UBN2: variants seen among roughly 807,000 people sequenced by gnomAD.
UBN2 encodes ubinuclein 2.
A neutral mutation model predicts 120.2 loss-of-function variants in UBN2; 35 were observed. That is an observed-to-expected ratio of 0.29 (90% CI 0.22 to 0.39). UBN2 has a LOEUF of 0.39. Ranked by LOEUF, UBN2 falls within the 10% of genes least tolerant of loss-of-function variation. The pLI is 1.00. For synonymous variants in UBN2, 661 were observed against 648.7 expected (o/e 1.02, Z -0.29); for missense variants, 1,693 against 1,663.2 (o/e 1.02, Z -0.31).
At chr7:139,252,873 C>G (rs1796658046) in intron 3 of UBN2, among the ~76,000 whole-genome samples, 1 of 152,146 alleles carries the variant, frequency 6.6e-6, no homozygotes, top group Admixed American at 6.5e-5. Context: ...TATTAGTACA[C>G]TTGTCTTAAC....
intron 2 of UBN2, among the ~76,000 whole-genome samples, chr7:139,238,499 C>T (rs1358587496): frequency 1.3e-5 from 2 of 152,182 alleles, no homozygotes; most frequent in Non-Finnish European, 2.9e-5. Context: ...TCTTGGCTCA[C>T]TGTAACCTCC....
In UBN2 at chr7:139,267,536, C is replaced by CAA. The variant is rs1189492166; in HGVS notation, c.1466+1145_1466+1146dup. On this transcript the variant is annotated intron_variant, in intron 7 of 17. Coordinates refer to ENST00000473989, the MANE Select transcript of UBN2 (RefSeq NM_173569.4). ...GGGTGATAGGGTGAGACTCTGTCTC[C>CAA]AAAAAAAAAAAAAGAGAGAAAGAGA... Among the ~76,000 whole-genome samples the CAA allele has an allele frequency of 1.4e-3, 109 of 80,026 alleles. 1 individual carries two copies. Among genetic ancestry groups the CAA allele is most frequent in the African/African-American group, 4.6e-3 (100 of 21,822 alleles). The allele number at this position is 80,026 out of a possible 152,430, so 52.5% of individuals were successfully genotyped here. A position where few individuals can be genotyped will look rare whatever the true frequency, so the allele number is the denominator to read the frequency against.
chr7:139,319,928 T>G, the UBN2 span, among the ~76,000 whole-genome samples: 1 of 149,796 alleles, frequency 6.7e-6, no homozygotes, highest in Admixed American at 6.6e-5. Flanking sequence ...TACAAAAAAT[T>G]AGCTGAGTGT....
intron 2 of UBN2, among the ~76,000 whole-genome samples, chr7:139,242,656 C>T (rs752199612): frequency 6.6e-6 from 1 of 152,160 alleles, no homozygotes; most frequent in Non-Finnish European, 1.5e-5. Context: ...TGTGACATGC[C>T]CTTTTAATTC....
rs1798397398 is a variant in UBN2, at chr7:139,308,120, T to C, written c.*10284T>C. The C allele has an allele frequency of 6.6e-6, 1 of 152,104 alleles. No individual in the cohort carries two copies. The highest frequency in any genetic ancestry group is 6.5e-5 in the Admixed American group (1 of 15,268). The allele number at this position is 152,104 out of a possible 1,614,324, so 9.4% of individuals were successfully genotyped here. ...TTTTTGAAGCAAGAGCCTTATTTGATTCAGTGTAGATGTTTCCTGTCTATC... is the reference window on the plus strand; with the variant it reads ...TTTTTGAAGCAAGAGCCTTATTTGACTCAGTGTAGATGTTTCCTGTCTATC... On this transcript the variant is annotated 3_prime_UTR_variant, in exon 18 of 18. Transcript: ENST00000473989.
At chr7:139,241,483 A>G (rs188533187) in intron 2 of UBN2, among the ~76,000 whole-genome samples, 2 of 152,288 alleles carry the variant, frequency 1.3e-5, no homozygotes, top group Admixed American at 1.3e-4. Context: ...ACTATCTTTC[A>G]CACTTAGTTC....
At chr7:139,259,230 T>C in intron 4 of UBN2, 37 bp from the exon 5 acceptor site, 1 of 1,605,998 alleles carries the variant, frequency 6.2e-7, no homozygotes, top group Non-Finnish European at 8.5e-7. Flanking sequence ...AAAGCATTGT[T>C]ACTTACATAA....
intron 2 of UBN2, among the ~76,000 whole-genome samples, chr7:139,249,446 G>A (rs1393214922): frequency 2.0e-5 from 3 of 152,108 alleles, no homozygotes; most frequent in Admixed American, 6.5e-5. Flanking sequence ...TCAAGCACTG[G>A]AACAGATCAC....
At chr7:139,258,759 A>G in intron 4 of UBN2, 134 bp downstream of exon 4, 1 of 707,904 alleles carries the variant, frequency 1.4e-6, no homozygotes, top group Non-Finnish European at 2.0e-6. Context: ...ATATAATTAC[A>G]TGCTTTAAAA....
At chr7:139,252,203 CTT>C (rs35028623) in intron 3 of UBN2, 146 bp downstream of exon 3, 3,291 of 435,430 alleles carry the variant, frequency 7.6e-3, no homozygotes, top group South Asian at 0.011. Flanking sequence ...TTTCTTTACC[CTT>C]TTTTTTTTTT....
At chr7:139,317,878 G>A in the UBN2 span, among the ~76,000 whole-genome samples, 1 of 152,098 alleles carries the variant, frequency 6.6e-6, no homozygotes, top group Non-Finnish European at 1.5e-5. Context: ...GGCCAGGCTA[G>A]TCTCAAACTC....
chr7:139,247,923 T>G (rs943546236), intron 2 of UBN2, among the ~76,000 whole-genome samples: 1 of 152,156 alleles, frequency 6.6e-6, no homozygotes, highest in African/African-American at 2.4e-5. Flanking sequence ...TTCAACCTTT[T>G]TCCTTTCTAC....
chr7:139,267,202 T>C (rs547070511), intron 7 of UBN2, among the ~76,000 whole-genome samples: 13 of 152,302 alleles, frequency 8.5e-5, no homozygotes, highest in African/African-American at 3.1e-4. Flanking sequence ...TAATGTTTGC[T>C]TATTCTTAGT....
At chr7:139,259,483 C>T (rs903060929) in intron 5 of UBN2, 113 bp downstream of exon 5, 60 of 1,359,258 alleles carry the variant, frequency 4.4e-5, no homozygotes, top group East Asian at 2.7e-4. Flanking sequence ...TAATTTAGTA[C>T]GTTATTGACA....
the UBN2 span, among the ~76,000 whole-genome samples, chr7:139,329,976 G>C: frequency 6.6e-6 from 1 of 152,118 alleles, no homozygotes; most frequent in African/African-American, 2.4e-5. Context: ...TAGCTTTGGG[G>C]TCAGATAGTC....
chr7:139,271,479 G>A (rs1225312700), intron 8 of UBN2, among the ~76,000 whole-genome samples: 5 of 151,944 alleles, frequency 3.3e-5, no homozygotes, highest in African/African-American at 9.7e-5. Flanking sequence ...CCAGCTACTC[G>A]GGTGGCTGAG....
intron 2 of UBN2, among the ~76,000 whole-genome samples, chr7:139,243,799 A>G (rs1796387652): frequency 1.3e-5 from 2 of 152,164 alleles, no homozygotes; most frequent in Non-Finnish European, 1.5e-5. Context: ...GCAAAAATCT[A>G]TTTATAAGTG....
At chr7:139,232,468 G>A (rs1796053576) in intron 1 of UBN2, among the ~76,000 whole-genome samples, 1 of 152,190 alleles carries the variant, frequency 6.6e-6, no homozygotes, top group Non-Finnish European at 1.5e-5. Flanking sequence ...GTGTGCTTGC[G>A]TGCCTGTGAT....
At chr7:139,324,825 G>T in the UBN2 span, among the ~76,000 whole-genome samples, 1 of 152,012 alleles carries the variant, frequency 6.6e-6, no homozygotes, top group South Asian at 2.1e-4. Context: ...ACAAAAATTA[G>T]CCCGGTGCAG....
Sources: gnomAD v4.1 joint callset for allele counts (sites outside exome capture counted in the v4.1 genomes callset) on GRCh38, gnomAD v4.1.1 for gene constraint, MANE v1.5 for transcripts, NCBI Gene and HGNC (gene_info 2026-07-23, HGNC 2026-07-21) for gene names.